MEGF11: variants seen among roughly 807,000 people sequenced by gnomAD.
MEGF11 encodes the protein multiple epidermal growth factor-like domains protein 11.
MEGF11 carries 126 observed loss-of-function variants against 146.6 expected under a neutral mutation model. The ratio of observed to expected loss-of-function variants is 0.86; its 90% CI spans 0.74 to 1.00. MEGF11 has a LOEUF of 1.00. Ranked by LOEUF, MEGF11 falls within the 50% of genes least tolerant of loss-of-function variation. MEGF11 has a pLI of 0.00. For synonymous variants in MEGF11, 532 were observed against 583.4 expected, an observed-to-expected ratio of 0.91 and a Z score of 1.27; for missense variants, 1,509 against 1,521.2, an observed-to-expected ratio of 0.99 and a Z score of 0.13.
At chr15:66,215,847 A>C (rs1043124359) in intron 1 of MEGF11, among the ~76,000 whole-genome samples, 2 of 152,222 alleles carry the variant, frequency 1.3e-5, no homozygotes, top group Admixed American at 1.3e-4. Flanking sequence ...TCCACATTGG[A>C]AATTCATGGC....
At position 66,107,056 on chromosome 15, in the gene MEGF11, C is replaced by CA. The variant is rs2087119988; in HGVS notation, c.301+12029_301+12030insT. Among the ~76,000 whole-genome samples, 4 of 140,184 alleles carry CA rather than the reference C, an allele frequency of 2.9e-5. No individual in the cohort carries two copies. In the South Asian group the frequency reaches 6.7e-4, roughly 24 times the overall value. 92.0% of individuals were successfully genotyped at this position (140,184 alleles called of 152,430 possible). On this transcript the variant is annotated intron_variant, in intron 4 of 25. Coordinates refer to ENST00000395614, the MANE Select transcript of MEGF11 (RefSeq NM_001385028.1). ...TGTAGTTCAATGTTTATATTCCTAC[C>CA]CCCCCACCAGGTATAGACAGGGAGG...
chr15:66,242,407 T>TAA lies in MEGF11; in HGVS notation c.-9+11196_-9+11197dup, dbSNP rs1200352348. ...CTAAGCAGCAGAGTGAGACTCTGTC[T>TAA]AAAAAAAAAAAGAAAGAAAGAAAGA... On this transcript the variant is annotated intron_variant, in intron 1 of 25. Transcript: ENST00000395614. Among the ~76,000 whole-genome samples the TAA allele has an allele frequency of 1.6e-3, 214 of 134,578 alleles. 1 individual carries two copies. The highest frequency in any genetic ancestry group is 5.7e-3 in the African/African-American group (203 of 35,756). 88.3% of individuals were successfully genotyped at this position (134,578 alleles called of 152,430 possible).
chr15:65,946,091 A>C (rs1443702609), intron 10 of MEGF11, among the ~76,000 whole-genome samples: 4 of 152,338 alleles, frequency 2.6e-5, no homozygotes, highest in South Asian at 2.1e-4. Flanking sequence ...CCTGGCCCAG[A>C]GTAAGTGCTA....
intron 5 of MEGF11, among the ~76,000 whole-genome samples, chr15:66,008,405 G>A (rs778252585): frequency 1.0e-3 from 18 of 18,064 alleles, no homozygotes; most frequent in African/African-American, 2.6e-3. Context: ...ATGCACACGC[G>A]CGCGCGCACA....
intron 5 of MEGF11, among the ~76,000 whole-genome samples, chr15:66,076,139 TGATGGACAGATG>T (rs1012985753): frequency 3.3e-5 from 5 of 151,526 alleles, no homozygotes; most frequent in Non-Finnish European, 5.9e-5. Context: ...ATGGACAGAG[TGATGGACAGATG>T]GATGGACTGA....
intron 1 of MEGF11, among the ~76,000 whole-genome samples, chr15:66,205,570 G>T (rs1357429562): frequency 6.6e-6 from 1 of 152,200 alleles, no homozygotes; most frequent in Non-Finnish European, 1.5e-5. Flanking sequence ...CAACACACTC[G>T]CTGGTGGTAT....
At chr15:66,130,894 C>T (rs1408404302) in intron 1 of MEGF11, among the ~76,000 whole-genome samples, 6 of 152,136 alleles carry the variant, frequency 3.9e-5, no homozygotes, top group Admixed American at 3.9e-4. Context: ...AAGACATATG[C>T]TTATGAGATG....
At chr15:65,928,572 C>G (rs1567161951) in intron 12 of MEGF11, 45 bp from the exon 13 acceptor site, 3 of 1,355,232 alleles carry the variant, frequency 2.2e-6, no homozygotes, top group Non-Finnish European at 3.1e-6. Context: ...CCCAAACCTC[C>G]AGAGGTTTGT....
At chr15:66,117,146 C>A (rs2087769151) in intron 4 of MEGF11, among the ~76,000 whole-genome samples, 1 of 152,130 alleles carries the variant, frequency 6.6e-6, no homozygotes, top group African/African-American at 2.4e-5. Context: ...GTGGCAGGTG[C>A]TGGGAAGATG....
rs1471669698 is a variant in MEGF11 at position 65,909,034 on chromosome 15, C to T, written c.2998G>A (p.Gly1000Ser). Residue 1000 changes from glycine to serine, a missense_variant and splice_region_variant, in exon 23 of 26, where the codon GGT (glycine) becomes AGT (serine). Transcript: ENST00000395614. ...LSRPAEPHSP[G>S]ACGMDRRQNT... ...GTGGAGGGTAGGGCTGGGGTCTGAC[C>T]TGGTGAGTGTGGCTCAGCGGGGCGG... The T allele has an allele frequency of 7.2e-6, 11 of 1,533,798 alleles. 1 individual carries two copies. Among genetic ancestry groups the T allele is most frequent in the Non-Finnish European group, 9.6e-6 (11 of 1,145,042 alleles).
intron 4 of MEGF11, among the ~76,000 whole-genome samples, chr15:66,111,412 G>T (rs1474619174): frequency 6.6e-6 from 1 of 152,218 alleles, no homozygotes; most frequent in Non-Finnish European, 1.5e-5. Context: ...CCAAAATACA[G>T]TAAAAATATG....
At chr15:65,923,289 G>A (rs966970830) in intron 13 of MEGF11, among the ~76,000 whole-genome samples, 1 of 152,192 alleles carries the variant, frequency 6.6e-6, no homozygotes, top group Non-Finnish European at 1.5e-5. Context: ...TGCAAAATGG[G>A]GTACGGCAAG....
chr15:66,115,825 G>A (rs938606491), intron 4 of MEGF11, among the ~76,000 whole-genome samples: 4 of 152,190 alleles, frequency 2.6e-5, no homozygotes, highest in Admixed American at 1.3e-4. Context: ...GAGTCCTGCC[G>A]TTGCAGCCAG....
At chr15:65,898,639 A>C in intron 25 of MEGF11, 89 bp downstream of exon 25, 1 of 1,565,282 alleles carries the variant, frequency 6.4e-7, no homozygotes, top group Non-Finnish European at 8.6e-7. Flanking sequence ...ATGTGTGGTC[A>C]AGGTGGGGTG....
intron 10 of MEGF11, among the ~76,000 whole-genome samples, chr15:65,943,146 T>A (rs561774523): frequency 6.6e-6 from 1 of 152,078 alleles, no homozygotes; most frequent in East Asian, 1.9e-4. Flanking sequence ...CAGGCCTGGC[T>A]AATTTACTAA....
chr15:66,135,229 A>G (rs1303879248), intron 1 of MEGF11, among the ~76,000 whole-genome samples: 1 of 152,198 alleles, frequency 6.6e-6, no homozygotes. Flanking sequence ...TACTTTTAGA[A>G]TTTCTAAGGA....
At chr15:65,951,228 G>A (rs1404363964) in intron 10 of MEGF11, among the ~76,000 whole-genome samples, 1 of 152,230 alleles carries the variant, frequency 6.6e-6, no homozygotes, top group Non-Finnish European at 1.5e-5. Flanking sequence ...CTGAAAGGCT[G>A]AGAAGGATTT....
chr15:65,980,756 C>T (rs1278601260), intron 7 of MEGF11, 22 bp downstream of exon 7: 1 of 1,582,034 alleles, frequency 6.3e-7, no homozygotes, highest in South Asian at 1.2e-5. Flanking sequence ...GTGCCCCACC[C>T]AGATCCTTTG....
At chr15:65,946,535 G>C (rs1338356853) in intron 10 of MEGF11, among the ~76,000 whole-genome samples, 1 of 152,134 alleles carries the variant, frequency 6.6e-6, no homozygotes, top group Non-Finnish European at 1.5e-5. Context: ...TGGGACTACT[G>C]GCACCCACCA....
Sources: gnomAD v4.1 joint callset for allele counts (sites outside exome capture counted in the v4.1 genomes callset) on GRCh38, gnomAD v4.1.1 for gene constraint, MANE v1.5 for transcripts, NCBI Gene and HGNC (gene_info 2026-07-23, HGNC 2026-07-21) for gene names.